The following BAZ2B variants were observed in gnomAD, a reference collection of about 807,000 sequenced individuals.
BAZ2B encodes bromodomain adjacent to zinc finger domain 2B.
In BAZ2B, 91 loss-of-function variants were observed where a neutral mutation model predicts 246.0. The observed-to-expected ratio is 0.37, with a 90% CI of 0.31 to 0.44. BAZ2B has a LOEUF of 0.44. Among genes scored for constraint, BAZ2B ranks in the 20% least tolerant of loss-of-function variants. BAZ2B has a pLI of 1.00. For missense variants in BAZ2B, 2,332 were observed against 2,533.7 expected (o/e 0.92, Z 1.71); for synonymous variants, 855 against 860.0 (o/e 0.99, Z 0.10).
chr2:159,574,063 C>A (rs575534705), intron 1 of BAZ2B, among the ~76,000 whole-genome samples: 1 of 152,024 alleles, frequency 6.6e-6, no homozygotes, highest in African/African-American at 2.4e-5. Context: ...TGTGCCACTG[C>A]ACTCTACCCA....
chr2:159,711,511 A>T, the BAZ2B span, among the ~76,000 whole-genome samples: 1 of 152,214 alleles, frequency 6.6e-6, no homozygotes, highest in Non-Finnish European at 1.5e-5. Flanking sequence ...ATTTATTGGA[A>T]TTATTTGGAT....
At chr2:159,494,068 G>A (rs1004698206) in intron 2 of BAZ2B, among the ~76,000 whole-genome samples, 1 of 152,046 alleles carries the variant, frequency 6.6e-6, no homozygotes, top group Middle Eastern at 3.2e-3. Flanking sequence ...TTTTATACTA[G>A]CACTTGCATT....
chr2:159,392,202 G>C (rs961154283), intron 20 of BAZ2B: 5 of 152,190 alleles, frequency 3.3e-5, no homozygotes, highest in African/African-American at 1.2e-4. Context: ...GCCAAGACGG[G>C]CATGTACACT....
At chr2:159,535,068 T>C (rs1036580653) in intron 2 of BAZ2B, among the ~76,000 whole-genome samples, 1 of 152,226 alleles carries the variant, frequency 6.6e-6, no homozygotes, top group Non-Finnish European at 1.5e-5. Flanking sequence ...AGCTTATTAC[T>C]CTTAATTTTT....
chr2:159,525,848 A>G (rs911202137), intron 2 of BAZ2B, among the ~76,000 whole-genome samples: 4 of 152,192 alleles, frequency 2.6e-5, no homozygotes, highest in Admixed American at 6.5e-5. Context: ...CTTATTGGAG[A>G]TGACCTTAAA....
Position 159,562,032 on chromosome 2 carries a change from C to T in BAZ2B, c.-45-6167G>A, listed in dbSNP as rs189757426. On this transcript the variant is annotated intron_variant, in intron 1 of 36. Transcript: ENST00000392783. Reference sequence around the variant, plus strand: ...TACTTTGGTCAGCTGGGCAGAATTGCTTTACTTTGTTTTCTCATGTACTAT... The same window carrying T: ...TACTTTGGTCAGCTGGGCAGAATTGTTTTACTTTGTTTTCTCATGTACTAT... 1.6e-3 allele frequency among the ~76,000 whole-genome samples: 238 copies of T among 152,224 alleles called. 2 individuals are homozygous for T. The highest frequency in any genetic ancestry group is 2.0e-3 in the Admixed American group (31 of 15,280).
At chr2:159,529,144 T>A (rs760484931) in intron 2 of BAZ2B, among the ~76,000 whole-genome samples, 6 of 151,942 alleles carry the variant, frequency 3.9e-5, no homozygotes, top group African/African-American at 1.5e-4. Context: ...CATAAAAAAA[T>A]AAATAAAACA....
intron 10 of BAZ2B, among the ~76,000 whole-genome samples, chr2:159,430,184 T>C (rs2070812625): frequency 6.6e-6 from 1 of 152,088 alleles, no homozygotes; most frequent in Non-Finnish European, 1.5e-5. Context: ...ACTGTGTGAG[T>C]CCACTTATAT....
chr2:159,694,888 A>G, the BAZ2B span: 2 of 152,168 alleles, frequency 1.3e-5, no homozygotes, highest in African/African-American at 4.8e-5. Context: ...ACTTTTGAGG[A>G]CTGCTAAACT....
At chr2:159,374,056 G>A in intron 26 of BAZ2B, among the ~76,000 whole-genome samples, 1 of 138,304 alleles carries the variant, frequency 7.2e-6, no homozygotes, top group African/African-American at 2.7e-5. Flanking sequence ...ATGAAATTCA[G>A]TTTTTCTTAG....
chr2:159,326,909 C>T (rs924029056), intron 34 of BAZ2B, among the ~76,000 whole-genome samples: 5 of 152,094 alleles, frequency 3.3e-5, no homozygotes, highest in Non-Finnish European at 4.4e-5. Flanking sequence ...CTTCTGGCAA[C>T]GTATGGCTTT....
intron 16 of BAZ2B, among the ~76,000 whole-genome samples, chr2:159,403,345 T>C (rs1211442665): frequency 6.6e-6 from 1 of 152,144 alleles, no homozygotes; most frequent in Non-Finnish European, 1.5e-5. Context: ...GCTGGAAACT[T>C]TGGAGCTCAA....
intron 1 of BAZ2B, among the ~76,000 whole-genome samples, chr2:159,594,179 G>A (rs1449712068): frequency 1.3e-5 from 2 of 152,164 alleles, no homozygotes; most frequent in Non-Finnish European, 2.9e-5. Context: ...CGAGGCGGGC[G>A]GCCTACCTTG....
intron 2 of BAZ2B, among the ~76,000 whole-genome samples, chr2:159,487,334 A>G (rs1423961746): frequency 2.0e-5 from 3 of 152,124 alleles, no homozygotes; most frequent in Non-Finnish European, 4.4e-5. Flanking sequence ...GTACATTGTG[A>G]TTCTATGTGA....
At chr2:159,414,205 A>G (rs1290887952) in intron 13 of BAZ2B, among the ~76,000 whole-genome samples, 1 of 152,230 alleles carries the variant, frequency 6.6e-6, no homozygotes, top group Admixed American at 6.5e-5. Flanking sequence ...TGTGGGAGCC[A>G]AAAATTAAAA....
the BAZ2B span, chr2:159,689,925 A>G: frequency 8.1e-6 from 3 of 371,478 alleles, no homozygotes; most frequent in Non-Finnish European, 1.5e-5. Flanking sequence ...AGATGAAGCA[A>G]GTAACTATCA....
At chr2:159,705,312 A>ACGCC in the BAZ2B span, among the ~76,000 whole-genome samples, 1 of 152,122 alleles carries the variant, frequency 6.6e-6, no homozygotes, top group Non-Finnish European at 1.5e-5. Flanking sequence ...GTGAGCCACC[A>ACGCC]CGCCCAGTGT....
chr2:159,428,187 T>C (rs2070345839), intron 12 of BAZ2B, 124 bp downstream of exon 12: 1 of 1,089,896 alleles, frequency 9.2e-7, no homozygotes, highest in Non-Finnish European at 1.3e-6. Flanking sequence ...TTAAGTACAA[T>C]AGTCCCATAC....
At chr2:159,599,957 A>G (rs1213974553) in intron 1 of BAZ2B, among the ~76,000 whole-genome samples, 1 of 151,672 alleles carries the variant, frequency 6.6e-6, no homozygotes, top group Non-Finnish European at 1.5e-5. Flanking sequence ...AAAAAAAGAA[A>G]AGAAAAAGAA....
Sources: gnomAD v4.1 joint callset for allele counts (sites outside exome capture counted in the v4.1 genomes callset) on GRCh38, gnomAD v4.1.1 for gene constraint, MANE v1.5 for transcripts, NCBI Gene and HGNC (gene_info 2026-07-23, HGNC 2026-07-21) for gene names.